Variants in SLC4A2 observed in about 807,000 individuals in gnomAD.
The protein encoded by SLC4A2 is solute carrier family 4 member 2.
In SLC4A2, 36 loss-of-function variants were observed where a neutral mutation model predicts 115.0. That is an observed-to-expected ratio of 0.31 (90% CI 0.24 to 0.41). The LOEUF is 0.41. Ranked by LOEUF, SLC4A2 falls within the 10% of genes least tolerant of loss-of-function variation. The pLI is 1.00. For missense variants in SLC4A2, 1,252 were observed against 1,705.6 expected (o/e 0.73, Z 4.68); for synonymous variants, 708 against 708.3 (o/e 1.00, Z 0.01).
chr7:151,063,620 G>T (rs1797129801), intron 2 of SLC4A2, among the ~76,000 whole-genome samples: 1 of 150,858 alleles, frequency 6.6e-6, no homozygotes, highest in African/African-American at 2.4e-5. Flanking sequence ...CTGCTGGGGG[G>T]ACACTGGGTC....
chr7:151,064,171 G>C, intron 2 of SLC4A2, 31 bp from the exon 3 acceptor site: 1 of 1,606,562 alleles, frequency 6.2e-7, no homozygotes, highest in Non-Finnish European at 8.5e-7. Context: ...AGTGAGCCCT[G>C]TGTGTTTTCT....
rs759880319 is a variant in SLC4A2, at chr7:151,070,038, C to G, written c.1239C>G (p.Ala413=). Residue 413 remains alanine, a synonymous_variant, in exon 9 of 23, where the codon GCC becomes GCG. Transcript: ENST00000413384. The part of the protein sequence containing the change: ...EQMVISDQIK[A]EDRANVLRAL... ...TGGTCATCTCTGACCAGATCAAGGC[C>G]GAGGACAGGGCCAACGTGCTGCGGG... The G allele has an allele frequency of 6.2e-7, 1 of 1,614,096 alleles. No homozygotes were observed. The highest frequency in any genetic ancestry group is 2.2e-5 in the East Asian group (1 of 44,878).
At position 151,066,602 on chromosome 7, in the gene SLC4A2, C is replaced by G; in HGVS notation, c.664C>G (p.Pro222Ala). Residue 222 changes from proline to alanine, a missense_variant, in exon 6 of 23, where the codon CCC becomes GCC. Pro to Ala is a conservative substitution (Grantham distance 27). This residue lies in a region of SLC4A2 where 215 missense variants were observed against 205.2 expected (regional missense o/e 1.05). Transcript: ENST00000413384. ...GGDDGGASGRPLPKAQPGHRS... is the reference protein window; with the variant it reads ...GGDDGGASGRALPKAQPGHRS... ...TGACGACGGGGGTGCCTCGGGGCGC[C>G]CCCTGCCCAAAGCCCAGCCTGGGCA... 1 of 1,548,664 alleles carries G rather than the reference C, an allele frequency of 6.5e-7. No homozygotes were observed. The highest frequency in any genetic ancestry group is 8.7e-7 in the Non-Finnish European group (1 of 1,146,704).
intron 18 of SLC4A2, 37 bp from the exon 19 acceptor site, chr7:151,074,638 C>T (rs1405296744): frequency 1.3e-6 from 2 of 1,582,122 alleles, no homozygotes; most frequent in South Asian, 2.3e-5. Context: ...TCCACATTCA[C>T]CTTAACCCTT....
At chr7:151,066,260 G>A (rs977769350) in intron 5 of SLC4A2, among the ~76,000 whole-genome samples, 1 of 152,256 alleles carries the variant, frequency 6.6e-6, no homozygotes, top group African/African-American at 2.4e-5. Context: ...AGCAGTTGAC[G>A]TTCGCAGTGG....
chr7:151,070,034 A>G lies in SLC4A2; in HGVS notation c.1235A>G (p.Lys412Arg), dbSNP rs1481903966. Residue 412 changes from lysine (K) to arginine (R), a missense_variant, in exon 9 of 23, where the codon AAG becomes AGG. Around this residue, in one of 14 missense-constraint regions of SLC4A2, gnomAD observed 142 missense variants for 153.5 expected, o/e 0.93. Coordinates refer to ENST00000413384, the MANE Select transcript of SLC4A2 (RefSeq NM_003040.4). ...CAGATGGTCATCTCTGACCAGATCA[A>G]GGCCGAGGACAGGGCCAACGTGCTG... is the stretch of plus-strand genomic sequence containing the variant. ...VEQMVISDQI[K>R]AEDRANVLRA... 1.2e-6 allele frequency: 2 copies of G among 1,614,140 alleles called. No homozygotes were observed. The highest frequency in any genetic ancestry group is 1.7e-6 in the Non-Finnish European group (2 of 1,180,026).
intron 8 of SLC4A2, among the ~76,000 whole-genome samples, chr7:151,069,153 A>AAAAAAAAAAAAAAAAAAAAAAAAAAAAC (rs1797341287): frequency 6.8e-6 from 1 of 147,632 alleles, no homozygotes. Context: ...AAAAAAAAAA[A>AAAAAAAAAAAAAAAAAAAAAAAAAAAAC]AAAAAAGCAG....
Position 151,071,685 on chromosome 7 carries a change from CT to C in SLC4A2, c.2192-3del. 6.2e-7 allele frequency: 1 copy of C among 1,610,488 alleles called. No individual in the cohort carries two copies. The highest frequency in any genetic ancestry group is 8.5e-7 in the Non-Finnish European group (1 of 1,177,800). ...AGCTCCTGAGCTGGTTCCTACACCC[CT>C]AGGAGAGAAGACGCAGGACCTGATA... On this transcript the variant is annotated splice_region_variant and splice_polypyrimidine_tract_variant and intron_variant, in intron 14 of 22. Transcript: ENST00000413384. The surrounding 1 kb of genome is among the most constrained non-coding windows in gnomAD (Gnocchi z 5.5).
At chr7:151,064,115 T>A (rs1797145383) in intron 2 of SLC4A2, 87 bp from the exon 3 acceptor site, 1 of 1,411,894 alleles carries the variant, frequency 7.1e-7, no homozygotes, top group Non-Finnish European at 9.8e-7. Flanking sequence ...GGAGGGTTCC[T>A]GGGTCTCTGG....
intron 3 of SLC4A2, 66 bp from the exon 4 acceptor site, chr7:151,064,460 T>C: frequency 1.4e-6 from 2 of 1,457,186 alleles, no homozygotes; most frequent in South Asian, 2.4e-5. Flanking sequence ...GGAGTGGGGC[T>C]AGGGGGCAGG....
intron 1 of SLC4A2, 168 bp from the exon 2 acceptor site, chr7:151,061,757 T>G: frequency 3.6e-6 from 2 of 549,534 alleles, no homozygotes; most frequent in Non-Finnish European, 3.3e-6. Context: ...TGTCTCCTTG[T>G]TCTTCTCTTT....
At chr7:151,062,568 G>GAGGGGCACGTGACTGGGA (rs1392182513) in intron 2 of SLC4A2, 3 of 1,452,952 alleles carry the variant, frequency 2.1e-6, no homozygotes, top group South Asian at 1.4e-5. Flanking sequence ...CACTGGCCCA[G>GAGGGGCACGTGACTGGGA]AGGGGCACGT....
At position 151,075,321 on chromosome 7, in the gene SLC4A2, C is replaced by T. The variant is rs1386882999; in HGVS notation, c.3114C>T (p.Leu1038=). The change falls in exon 20 of 23, where the codon CTC becomes CTT. Residue 1038 remains leucine, a synonymous_variant. Coordinates refer to ENST00000413384, the MANE Select transcript of SLC4A2 (RefSeq NM_003040.4). Reference sequence around the variant, plus strand: ...CCGGCTTCCACCTGGACCTGCTGCTCATCGTGGCCATGGGCGGCATCTGTG... The same window carrying T: ...CCGGCTTCCACCTGGACCTGCTGCTTATCGTGGCCATGGGCGGCATCTGTG... ...KGSGFHLDLL[L]IVAMGGICAL... 5 of 1,613,468 alleles carry T rather than the reference C, an allele frequency of 3.1e-6. No individual in the cohort carries two copies. The South Asian group carries it at 3.3e-5, about 11-fold the overall frequency.
At chr7:151,072,231 C>G (rs1469352293) in intron 16 of SLC4A2, 95 bp downstream of exon 16, 6 of 1,135,838 alleles carry the variant, frequency 5.3e-6, no homozygotes, top group Non-Finnish European at 7.7e-6. Flanking sequence ...TGAGGCCAGG[C>G]TGGTCTGGAG....
Position 151,064,381 on chromosome 7 carries a change from C to G in SLC4A2, c.217+14C>G, listed in dbSNP as rs750241489. 3 of 658,140 alleles carry G rather than the reference C, an allele frequency of 4.6e-6. No homozygotes were observed. The highest frequency in any genetic ancestry group is 7.8e-5 in the African/African-American group (2 of 25,556). The allele number at this position is 658,140 out of a possible 1,614,324, so 40.8% of individuals were successfully genotyped here. On this transcript the variant is annotated intron_variant, in intron 3 of 22. Coordinates refer to ENST00000413384, the MANE Select transcript of SLC4A2 (RefSeq NM_003040.4). The stretch of plus-strand genomic sequence containing the variant: ...AAGACTTTGAGTGTGAGGGGGCAGG[C>G]AGGGGAGGGGGAGGTGGGGGGATCA...
At chr7:151,069,921 G>T (rs547503672) in intron 8 of SLC4A2, 26 bp from the exon 9 acceptor site, 13 of 1,613,272 alleles carry the variant, frequency 8.1e-6, no homozygotes, top group Admixed American at 3.3e-5. Flanking sequence ...TGGGGCTGAG[G>T]GGCCCTCTGT....
chr7:151,066,102 G>A (rs924470131), intron 5 of SLC4A2, among the ~76,000 whole-genome samples: 1 of 152,204 alleles, frequency 6.6e-6, no homozygotes, highest in Non-Finnish European at 1.5e-5. Flanking sequence ...GGATGTGCCA[G>A]GGGGTGAGGG....
rs923585563 is a variant in SLC4A2, at chr7:151,072,906, C to T, written c.2535+770C>T. On this transcript the variant is annotated intron_variant, in intron 16 of 22. Coordinates refer to ENST00000413384, the MANE Select transcript of SLC4A2 (RefSeq NM_003040.4). ...CTTGAACTCCTGGCCTCAAGTGATC[C>T]GCCCGCCTCGCCTCCCAAAGTGCTG... 3.3e-5 allele frequency among the ~76,000 whole-genome samples: 5 copies of T among 151,946 alleles called. No homozygotes were observed. The South Asian group carries it at 6.2e-4, about 19-fold the overall frequency.
rs1797649569 is a variant in SLC4A2 at position 151,076,430 on chromosome 7, C to CATCCCATGG, written c.*63_*64insATCCCATGG. 1 of 1,264,038 alleles carries CATCCCATGG rather than the reference C, an allele frequency of 7.9e-7. No individual in the cohort carries two copies. Among genetic ancestry groups the CATCCCATGG allele is most frequent in the Admixed American group, 3.2e-5 (1 of 31,670 alleles). 78.3% of individuals were successfully genotyped at this position (1,264,038 alleles called of 1,614,324 possible). On this transcript the variant is annotated 3_prime_UTR_variant, in exon 23 of 23. Coordinates refer to ENST00000413384, the MANE Select transcript of SLC4A2 (RefSeq NM_003040.4). ...GGGACAGGCTGGTGGGATGGGGTTC[C>CATCCCATGG]CCCTCCCATGCCCCTCCCTCCTTTT...
Sources: gnomAD v4.1 joint callset for allele counts (sites outside exome capture counted in the v4.1 genomes callset) on GRCh38, gnomAD v4.1.1 for gene constraint, gnomAD v4.1.1 regional missense constraint, Gnocchi (gnomAD v3.1) non-coding constraint, MANE v1.5 for transcripts, NCBI Gene and HGNC (gene_info 2026-07-23, HGNC 2026-07-21) for gene names.